RNF220: variants seen among roughly 807,000 people sequenced by gnomAD.
The protein encoded by RNF220 is E3 ubiquitin-protein ligase RNF220.
A neutral mutation model predicts 67.1 loss-of-function variants in RNF220; 7 were observed. That is an observed-to-expected ratio of 0.10 (90% CI 0.06 to 0.20). The LOEUF (loss-of-function observed/expected upper bound fraction) is 0.20, where lower values mean the gene tolerates loss of function less well. RNF220 is among the 10% of genes least tolerant of loss of function. RNF220 has a pLI of 1.00. For missense variants in RNF220, 565 were observed against 740.3 expected (o/e 0.76, Z 2.75); for synonymous variants, 270 against 283.2 (o/e 0.95, Z 0.47).
chr1:44,633,748 G>T (rs549833071), intron 6 of RNF220, among the ~76,000 whole-genome samples: 1 of 152,286 alleles, frequency 6.6e-6, no homozygotes, highest in African/African-American at 2.4e-5. Context: ...GTGTAGGCAT[G>T]GTAGGGAGGA....
At chr1:44,421,427 A>G (rs1433531307) in intron 2 of RNF220, among the ~76,000 whole-genome samples, 2 of 152,154 alleles carry the variant, frequency 1.3e-5, no homozygotes, top group Non-Finnish European at 2.9e-5. Flanking sequence ...TAAGTTATAC[A>G]GACAGTTTTA....
chr1:44,513,111 C>T (rs984138668), intron 2 of RNF220, among the ~76,000 whole-genome samples: 3 of 152,340 alleles, frequency 2.0e-5, no homozygotes, highest in African/African-American at 7.2e-5. Flanking sequence ...AAGGTTCCCC[C>T]ACTTTCTGGC....
At position 44,436,145 on chromosome 1, in the gene RNF220, G is replaced by A. The variant is rs964559676; in HGVS notation, c.625+23423G>A. ...TTTCTCTGCAAAAGCTCCCTGGAGC[G>A]CAGGGAGCTCTTGTCTTGTATCTAG... On this transcript the variant is annotated intron_variant, in intron 2 of 14. Coordinates refer to ENST00000361799, the MANE Select transcript of RNF220 (RefSeq NM_018150.4). Among the ~76,000 whole-genome samples, 3 of 151,922 alleles carry A rather than the reference G, an allele frequency of 2.0e-5. No homozygotes were observed. The East Asian group carries it at 5.8e-4, about 30-fold the overall frequency.
rs535203855 is a variant in RNF220, at chr1:44,606,520, T to C, written c.626-7645T>C. Reference sequence around the variant, plus strand: ...GGATGCTTTTCATGCCTTATGTCCTTGACCTCTCAACAGCATTTGACCTTA... The same window carrying C: ...GGATGCTTTTCATGCCTTATGTCCTCGACCTCTCAACAGCATTTGACCTTA... On this transcript the variant is annotated intron_variant, in intron 2 of 14. Transcript: ENST00000361799. This position sits in a 1 kb window ranked among gnomAD's most constrained non-coding sequence, Gnocchi z 4.2. Among the ~76,000 whole-genome samples the C allele has an allele frequency of 5.9e-5, 9 of 152,330 alleles. No homozygotes were observed. In the East Asian group the frequency reaches 1.7e-3, roughly 29 times the overall value.
chr1:44,631,871 C>A (rs1644136813), intron 5 of RNF220: 7 of 982,204 alleles, frequency 7.1e-6, no homozygotes, highest in Non-Finnish European at 8.5e-6. Context: ...CGGTTGCTAC[C>A]CGAGTACAAA....
At chr1:44,471,442 G>A (rs763752283) in intron 2 of RNF220, among the ~76,000 whole-genome samples, 1 of 145,894 alleles carries the variant, frequency 6.9e-6, no homozygotes, top group Non-Finnish European at 1.5e-5. Context: ...AAAATAAAGT[G>A]TACAAGTCAG....
chr1:44,491,048 C>T (rs1431174085), intron 2 of RNF220, among the ~76,000 whole-genome samples: 4 of 152,094 alleles, frequency 2.6e-5, no homozygotes, highest in African/African-American at 7.2e-5. Context: ...GAAGAAAAAT[C>T]TGCATAGACC....
At chr1:44,558,786 A>G (rs939282595) in intron 2 of RNF220, among the ~76,000 whole-genome samples, 3 of 152,308 alleles carry the variant, frequency 2.0e-5, no homozygotes, top group Middle Eastern at 3.4e-3. Context: ...AATCAACATG[A>G]CATGTTATAG....
At chr1:44,602,951 G>A (rs547510077) in intron 2 of RNF220, among the ~76,000 whole-genome samples, 1 of 151,968 alleles carries the variant, frequency 6.6e-6, no homozygotes, top group Non-Finnish European at 1.5e-5. Context: ...CCTGCTCCCT[G>A]CCTCCTTCTC....
At chr1:44,617,700 T>C (rs975597457) in intron 3 of RNF220, among the ~76,000 whole-genome samples, 1 of 152,184 alleles carries the variant, frequency 6.6e-6, no homozygotes. Flanking sequence ...ATCAGCTCCC[T>C]GAGCAGAGGG....
intron 1 of RNF220, chr1:44,410,638 A>G (rs1024449536): frequency 1.3e-5 from 2 of 152,214 alleles, no homozygotes; most frequent in Non-Finnish European, 2.9e-5. Context: ...GGATTCATCT[A>G]CCGTTTAACT....
At chr1:44,431,320 T>G (rs569877118) in intron 2 of RNF220, among the ~76,000 whole-genome samples, 18 of 151,960 alleles carry the variant, frequency 1.2e-4, no homozygotes, top group African/African-American at 4.3e-4. Context: ...TGAAACCCTG[T>G]CTCTTCTAAA....
intron 2 of RNF220, among the ~76,000 whole-genome samples, chr1:44,580,779 A>G (rs557223086): frequency 9.3e-4 from 141 of 152,362 alleles, no homozygotes; most frequent in African/African-American, 3.2e-3. Flanking sequence ...GAAGCTGCTG[A>G]GTGCCACACC....
At chr1:44,522,657 G>A (rs76764362) in intron 2 of RNF220, among the ~76,000 whole-genome samples, 1,623 of 152,200 alleles carry the variant, frequency 0.011, 21 homozygotes, top group African/African-American at 0.037. Context: ...CCCTCCTGGG[G>A]GGGCGGGGGG....
intron 2 of RNF220, among the ~76,000 whole-genome samples, chr1:44,483,894 A>G (rs1656053041): frequency 6.6e-6 from 1 of 152,190 alleles, no homozygotes; most frequent in African/African-American, 2.4e-5. Context: ...GGTGTGTGAG[A>G]AACCCCTGAA....
At chr1:44,466,325 C>T (rs372175143) in intron 2 of RNF220, among the ~76,000 whole-genome samples, 4 of 152,170 alleles carry the variant, frequency 2.6e-5, no homozygotes, top group South Asian at 2.1e-4. Context: ...TGACCACATT[C>T]GCAGTTACTT....
intron 2 of RNF220, chr1:44,419,730 A>G: frequency 6.6e-6 from 1 of 152,202 alleles, no homozygotes; most frequent in South Asian, 2.1e-4. Flanking sequence ...GAAAGGAAGA[A>G]CTTATTTATG....
At chr1:44,575,479 G>A (rs539474552) in intron 2 of RNF220, among the ~76,000 whole-genome samples, 1 of 152,062 alleles carries the variant, frequency 6.6e-6, no homozygotes. Context: ...AGTCAAGTAC[G>A]GTGGGCAAAG....
rs1647244843 is a variant in RNF220, at chr1:44,405,417, C to T, written c.-231C>T. On this transcript the variant is annotated 5_prime_UTR_variant, in exon 1 of 15. Coordinates refer to ENST00000361799, the MANE Select transcript of RNF220 (RefSeq NM_018150.4). ...GCTGCCGCTGCCGCCGCCGCCGCCGCCGCTGCCTCCGCCGGCTCTGCGAAC... is the reference window on the plus strand; with the variant it reads ...GCTGCCGCTGCCGCCGCCGCCGCCGTCGCTGCCTCCGCCGGCTCTGCGAAC... The T allele has an allele frequency of 1.6e-6, 1 of 636,446 alleles. No homozygotes were observed. Among genetic ancestry groups the T allele is most frequent in the Admixed American group, 2.4e-5 (1 of 42,154 alleles). The allele number at this position is 636,446 out of a possible 1,614,324, so 39.4% of individuals were successfully genotyped here.
Sources: gnomAD v4.1 joint callset for allele counts (sites outside exome capture counted in the v4.1 genomes callset) on GRCh38, gnomAD v4.1.1 for gene constraint, Gnocchi (gnomAD v3.1) non-coding constraint, MANE v1.5 for transcripts, NCBI Gene and HGNC (gene_info 2026-07-23, HGNC 2026-07-21) for gene names.